The following GOLGB1 variants were observed in gnomAD, a reference collection of about 807,000 sequenced individuals.
GOLGB1 encodes golgin subfamily B member 1.
A neutral mutation model predicts 336.9 loss-of-function variants in GOLGB1; 174 were observed. The observed-to-expected ratio is 0.52, with a 90% CI of 0.46 to 0.59. The LOEUF (loss-of-function observed/expected upper bound fraction) is 0.59. Among genes scored for constraint, GOLGB1 ranks in the 20% least tolerant of loss-of-function variants. The pLI, the probability that GOLGB1 is intolerant of heterozygous loss-of-function variation, is 0.00. For synonymous variants in GOLGB1, 1,208 were observed against 1,289.2 expected (o/e 0.94, Z 1.35); for missense variants, 3,331 against 3,645.3 (o/e 0.91, Z 2.22).
chr3:121,664,763 G>A (rs1206463253), intron 21 of GOLGB1, 149 bp from the exon 22 acceptor site: 1 of 856,650 alleles, frequency 1.2e-6, no homozygotes, highest in African/African-American at 1.7e-5. Context: ...TCAACAACTT[G>A]GCAAATTCCA....
intron 1 of GOLGB1, among the ~76,000 whole-genome samples, chr3:121,744,289 T>C (rs1206030434): frequency 6.6e-6 from 1 of 151,854 alleles, no homozygotes; most frequent in African/African-American, 2.4e-5. Flanking sequence ...ATTAAGACAT[T>C]TCAAGGTCCC....
Position 121,697,150 on chromosome 3 carries a change from C to T in GOLGB1, c.3373G>A (p.Ala1125Thr), listed in dbSNP as rs1384849204. The change falls in exon 13 of 22, where the codon GCA becomes ACA. Residue 1125 changes from alanine (A) to threonine (T), a missense_variant. Coordinates refer to ENST00000614479, the MANE Select transcript of GOLGB1 (RefSeq NM_001366282.2). The stretch of plus-strand genomic sequence containing the variant: ...CTTGTGATTAACTTCTGGATAATTG[C>T]TTGGTTTTCACTGATTTCTGCTTGG... ...LLQAEISENQ[A>T]IIQKLITSNT... The T allele has an allele frequency of 6.2e-7, 1 of 1,613,932 alleles. No individual in the cohort carries two copies. Among genetic ancestry groups the T allele is most frequent in the Non-Finnish European group, 8.5e-7 (1 of 1,179,982 alleles).
At chr3:121,717,192 C>T in intron 8 of GOLGB1, 53 bp from the exon 9 acceptor site, 1 of 1,429,344 alleles carries the variant, frequency 7.0e-7, no homozygotes, top group East Asian at 2.3e-5. Flanking sequence ...TTCATTTCAA[C>T]AAGCATTGTA....
chr3:121,693,151 T>C (rs1042033903), intron 13 of GOLGB1, among the ~76,000 whole-genome samples: 11 of 152,148 alleles, frequency 7.2e-5, no homozygotes, highest in Admixed American at 5.9e-4. Context: ...TTGAGAGTAC[T>C]GTGGTAAAAA....
At position 121,667,617 on chromosome 3, in the gene GOLGB1, G is replaced by C; in HGVS notation, c.9420-7C>G. 6.2e-7 allele frequency: 1 copy of C among 1,612,884 alleles called. No individual in the cohort carries two copies. On this transcript the variant is annotated splice_region_variant and splice_polypyrimidine_tract_variant and intron_variant, in intron 19 of 21. Transcript: ENST00000614479. ...CTGCTGAGCTTCAGAAAAGCTTTAGGATGAGAGGAAAACAAAAAGCATCAT... is the reference window on the plus strand; with the variant it reads ...CTGCTGAGCTTCAGAAAAGCTTTAGCATGAGAGGAAAACAAAAAGCATCAT...
chr3:121,733,830 G>A lies in GOLGB1; in HGVS notation c.-2-2857C>T, dbSNP rs530011323. Among the ~76,000 whole-genome samples the A allele has an allele frequency of 6.6e-5, 10 of 152,310 alleles. No homozygotes were observed. The South Asian group carries it at 1.9e-3, about 28-fold the overall frequency. ...AGGACAATCTTTTCAATAAATGGTT[G>A]TGGAACAATTGGACATCTGAAAAAG... is the stretch of plus-strand genomic sequence containing the variant. On this transcript the variant is annotated intron_variant, in intron 1 of 21. Transcript: ENST00000614479.
chr3:121,735,494 T>G (rs1576470035), intron 1 of GOLGB1, among the ~76,000 whole-genome samples: 1 of 152,170 alleles, frequency 6.6e-6, no homozygotes, highest in East Asian at 1.9e-4. Context: ...CTTGGTAAAT[T>G]TCTTTCTCAC....
At chr3:121,732,232 A>C (rs1946171137) in intron 1 of GOLGB1, among the ~76,000 whole-genome samples, 1 of 152,212 alleles carries the variant, frequency 6.6e-6, no homozygotes. Context: ...TCATACATTA[A>C]AAACCTTCTA....
chr3:121,728,169 TGAG>T (rs1021300069), intron 4 of GOLGB1, among the ~76,000 whole-genome samples: 1 of 152,104 alleles, frequency 6.6e-6, no homozygotes, highest in Non-Finnish European at 1.5e-5. Flanking sequence ...TGAAATTATT[TGAG>T]AAGATTGAGA....
intron 10 of GOLGB1, among the ~76,000 whole-genome samples, chr3:121,713,086 C>G (rs199659670): frequency 6.6e-6 from 1 of 151,960 alleles, no homozygotes; most frequent in Non-Finnish European, 1.5e-5. Flanking sequence ...TGCCTGAACC[C>G]GGGAGGTCGA....
intron 9 of GOLGB1, among the ~76,000 whole-genome samples, 175 bp from the exon 10 acceptor site, chr3:121,715,151 G>C (rs1445243517): frequency 6.6e-6 from 1 of 151,340 alleles, no homozygotes; most frequent in Non-Finnish European, 1.5e-5. Flanking sequence ...AAGAACCAAA[G>C]GACACCTCAG....
intron 10 of GOLGB1, among the ~76,000 whole-genome samples, chr3:121,710,497 A>G (rs934982330): frequency 6.6e-6 from 1 of 152,210 alleles, no homozygotes; most frequent in Non-Finnish European, 1.5e-5. Flanking sequence ...ACTCTTGAAT[A>G]TGGGTTTGAA....
At chr3:121,699,776 C>A in intron 12 of GOLGB1, 36 bp downstream of exon 12, 2 of 1,249,460 alleles carry the variant, frequency 1.6e-6, no homozygotes, top group Non-Finnish European at 2.3e-6. Flanking sequence ...CTTAATCTAG[C>A]TCATGTTCTG....
chr3:121,697,119 G>T lies in GOLGB1; in HGVS notation c.3404C>A (p.Thr1135Lys). 1 of 1,614,004 alleles carries T rather than the reference G, an allele frequency of 6.2e-7. No individual in the cohort carries two copies. The highest frequency in any genetic ancestry group is 8.5e-7 in the Non-Finnish European group (1 of 1,179,962). The change falls in exon 13 of 22, where the codon ACG becomes AAG. Residue 1135 changes from threonine to lysine, a missense_variant. Coordinates refer to ENST00000614479, the MANE Select transcript of GOLGB1 (RefSeq NM_001366282.2). ...TACGGAGTCCCCATCACTTGCATCC[G>T]TGTTACTTGTGATTAACTTCTGGAT... ...AIIQKLITSN[T>K]DASDGDSVAL... is the part of the protein sequence containing the mutation.
chr3:121,717,018 C>A lies in GOLGB1; in HGVS notation c.1007G>T (p.Arg336Ile). ...CTGCAGATTATGGAAGGATAATTTTCTCTCTGCCACTTCAAGTTCCATCTT... is the reference window on the plus strand; with the variant it reads ...CTGCAGATTATGGAAGGATAATTTTATCTCTGCCACTTCAAGTTCCATCTT... ...LEKMELEVAE[R>I]KLSFHNLQEE... is the part of the protein sequence containing the mutation. The change falls in exon 9 of 22, where the codon AGA (arginine) becomes ATA (isoleucine). Residue 336 changes from arginine to isoleucine, a missense_variant. By Grantham distance (97) the Arg-to-Ile change is moderately conservative. Transcript: ENST00000614479. The A allele has an allele frequency of 1.2e-6, 2 of 1,614,022 alleles. No homozygotes were observed. The highest frequency in any genetic ancestry group is 8.5e-7 in the Non-Finnish European group (1 of 1,179,928).
rs761181792 is a variant in GOLGB1 at position 121,729,918 on chromosome 3, C to T, written c.196G>A (p.Asp66Asn). 5.6e-6 allele frequency: 9 copies of T among 1,611,474 alleles called. No homozygotes were observed. In the Admixed American group the frequency reaches 8.3e-5, roughly 15 times the overall value. ...TGAACATCCTTCTGTCTAATAATAT[C>T]TTTTAGCTCCACCACCAATTGCTCT... ...YAEQLVVELKDIIRQKDVQLQ... is the reference protein window; with the variant it reads ...YAEQLVVELKNIIRQKDVQLQ... The change falls in exon 3 of 22, where the codon GAT becomes AAT. Residue 66 changes from aspartate (D) to asparagine (N), a missense_variant. Transcript: ENST00000614479.
rs757257638 is a variant in GOLGB1, at chr3:121,696,306, A to G, written c.4217T>C (p.Ile1406Thr). Residue 1406 changes from isoleucine (I) to threonine (T), a missense_variant, in exon 13 of 22, where the codon ATA becomes ACA. Coordinates refer to ENST00000614479, the MANE Select transcript of GOLGB1 (RefSeq NM_001366282.2). ...QPKLDELQKLISKKEEDVSYL... is the reference protein window; with the variant it reads ...QPKLDELQKLTSKKEEDVSYL... Reference sequence around the variant, plus strand: ...GCTAACGTCTTCTTCCTTTTTGCTTATGAGTTTTTGCAGTTCATCCAGTTT... The same window carrying G: ...GCTAACGTCTTCTTCCTTTTTGCTTGTGAGTTTTTGCAGTTCATCCAGTTT... The G allele has an allele frequency of 6.2e-7, 1 of 1,614,000 alleles. No homozygotes were observed. The highest frequency in any genetic ancestry group is 8.5e-7 in the Non-Finnish European group (1 of 1,179,972).
intron 14 of GOLGB1, among the ~76,000 whole-genome samples, chr3:121,688,114 A>G (rs9859702): frequency 0.12 from 18,018 of 152,190 alleles, 1,167 homozygotes; most frequent in East Asian, 0.24. Context: ...AGTTAGGGGT[A>G]ATAATCTTTT....
chr3:121,714,125 G>A (rs1179137646), intron 10 of GOLGB1, among the ~76,000 whole-genome samples: 5 of 152,178 alleles, frequency 3.3e-5, no homozygotes, highest in Non-Finnish European at 5.9e-5. Context: ...TAGAAACCAA[G>A]AGGCAAAAAT....
Sources: allele counts gnomAD v4.1 joint callset (sites outside exome capture counted in the v4.1 genomes callset), GRCh38; gene constraint gnomAD v4.1.1; transcripts MANE v1.5; gene names NCBI Gene and HGNC (gene_info 2026-07-23, HGNC 2026-07-21).